PEX5L: variants seen among roughly 807,000 people sequenced by gnomAD.
PEX5L encodes PEX5-related protein.
PEX5L carries 30 observed loss-of-function variants against 84.0 expected under a neutral mutation model. The observed-to-expected ratio is 0.36, with a 90% CI of 0.27 to 0.48. The LOEUF (loss-of-function observed/expected upper bound fraction) is 0.48, where lower values mean the gene tolerates loss of function less well. Among genes scored for constraint, PEX5L ranks in the 20% least tolerant of loss-of-function variants. The pLI, the probability that PEX5L is intolerant of heterozygous loss-of-function variation, is 0.99. For synonymous variants in PEX5L, 270 were observed against 283.1 expected (o/e 0.95, Z 0.46); for missense variants, 533 against 754.6 (o/e 0.71, Z 3.44).
chr3:179,922,866 T>C (rs1056017588), intron 2 of PEX5L, among the ~76,000 whole-genome samples: 12 of 152,216 alleles, frequency 7.9e-5, no homozygotes. Context: ...TCATAATTCA[T>C]GTAGAAAGAT....
chr3:179,906,959 T>A (rs1392634721), intron 2 of PEX5L, among the ~76,000 whole-genome samples: 8 of 152,040 alleles, frequency 5.3e-5, no homozygotes, highest in Non-Finnish European at 1.5e-5. Flanking sequence ...TAGAGGGAGG[T>A]GAGACATAGC....
intron 8 of PEX5L, among the ~76,000 whole-genome samples, chr3:179,830,060 G>A (rs538655838): frequency 1.3e-5 from 2 of 149,724 alleles, no homozygotes; most frequent in South Asian, 4.2e-4. Context: ...GCCTCCCAAA[G>A]TGCTGGGATT....
At chr3:179,807,868 C>G (rs755374690) in intron 13 of PEX5L, 37 bp from the exon 14 acceptor site, 1 of 1,582,582 alleles carries the variant, frequency 6.3e-7, no homozygotes, top group Non-Finnish European at 8.6e-7. Context: ...CAACCCAGTA[C>G]AAGGCACAAT....
chr3:179,944,008 C>T (rs112119139), intron 2 of PEX5L, among the ~76,000 whole-genome samples: 51 of 151,448 alleles, frequency 3.4e-4, no homozygotes, highest in Non-Finnish European at 5.9e-4. Flanking sequence ...CCTCCCCCCC[C>T]CAAAAAACTG....
At chr3:179,825,571 A>G (rs1456591374) in intron 8 of PEX5L, among the ~76,000 whole-genome samples, 2 of 151,754 alleles carry the variant, frequency 1.3e-5, no homozygotes, top group African/African-American at 2.4e-5. Context: ...CAATCTAAAC[A>G]GTATAGGTCT....
chr3:179,836,608 C>T (rs1173445101), intron 8 of PEX5L, among the ~76,000 whole-genome samples: 1 of 152,162 alleles, frequency 6.6e-6, no homozygotes, highest in Non-Finnish European at 1.5e-5. Flanking sequence ...ATAAAGTCAA[C>T]TTCTTCTGCA....
intron 8 of PEX5L, among the ~76,000 whole-genome samples, chr3:179,821,862 C>A (rs958034713): frequency 2.2e-4 from 34 of 152,258 alleles, no homozygotes; most frequent in African/African-American, 7.9e-4. Flanking sequence ...AGAAATGTGC[C>A]TTTGAATGAA....
rs192357679 is a variant in PEX5L at position 179,947,657 on chromosome 3, G to A, written c.93+23937C>T. Among the ~76,000 whole-genome samples the A allele has an allele frequency of 1.1e-3, 170 of 150,800 alleles. 1 individual carries two copies. Among genetic ancestry groups the A allele is most frequent in the Middle Eastern group, 0.01 (3 of 290 alleles). On this transcript the variant is annotated intron_variant, in intron 2 of 14. Coordinates refer to ENST00000467460, the MANE Select transcript of PEX5L (RefSeq NM_016559.3). ...ATAGCATTTTTTTAACTTTGTAGTT[G>A]CCAAATTTTAAAAATAATAACCATA... is the stretch of plus-strand genomic sequence containing the variant.
At chr3:179,897,951 ATAAC>A (rs1295536783) in intron 3 of PEX5L, among the ~76,000 whole-genome samples, 187 bp downstream of exon 3, 4 of 152,164 alleles carry the variant, frequency 2.6e-5, no homozygotes, top group African/African-American at 4.8e-5. Flanking sequence ...TCACAAATAA[ATAAC>A]TAGATGGTGA....
At chr3:179,824,654 C>T (rs558866690) in intron 8 of PEX5L, among the ~76,000 whole-genome samples, 4 of 145,616 alleles carry the variant, frequency 2.7e-5, no homozygotes, top group South Asian at 4.3e-4. Context: ...TGTGATGAGC[C>T]GAGATCGTGC....
intron 8 of PEX5L, among the ~76,000 whole-genome samples, chr3:179,840,189 T>G (rs1442772418): frequency 6.5e-5 from 9 of 137,980 alleles, no homozygotes; most frequent in African/African-American, 1.4e-4. Context: ...GTGTGTTTTT[T>G]TTTTTTTTTT....
At chr3:179,851,961 G>T (rs759437850) in intron 8 of PEX5L, among the ~76,000 whole-genome samples, 1 of 152,240 alleles carries the variant, frequency 6.6e-6, no homozygotes, top group African/African-American at 2.4e-5. Flanking sequence ...AATTTTGGGA[G>T]TATTAAATGG....
At chr3:179,959,468 G>A (rs1781484872) in intron 2 of PEX5L, among the ~76,000 whole-genome samples, 1 of 152,170 alleles carries the variant, frequency 6.6e-6, no homozygotes, top group African/African-American at 2.4e-5. Context: ...TTATCTCTGT[G>A]TTCCAGCACC....
chr3:180,034,156 T>C (rs1791694051), intron 1 of PEX5L, among the ~76,000 whole-genome samples: 1 of 152,178 alleles, frequency 6.6e-6, no homozygotes. Flanking sequence ...AACTGCTAAT[T>C]TACAAAGCAC....
Position 179,816,085 on chromosome 3 carries a change from T to C in PEX5L, c.940-81A>G, listed in dbSNP as rs915830865. 23 of 1,398,682 alleles carry C rather than the reference T, an allele frequency of 1.6e-5. No individual in the cohort carries two copies. In the South Asian group the frequency reaches 2.4e-4, roughly 15 times the overall value. The allele number at this position is 1,398,682 out of a possible 1,614,324, so 86.6% of individuals were successfully genotyped here. The stretch of plus-strand genomic sequence containing the variant: ...CATTCAATAAGTTCTCATTAAAAAG[T>C]CAGGAAACAACAGATGCTGGAGAGA... On this transcript the variant is annotated intron_variant, in intron 9 of 14. Transcript: ENST00000467460.
intron 2 of PEX5L, among the ~76,000 whole-genome samples, chr3:179,955,450 G>A (rs9842358): frequency 0.73 from 105,465 of 145,028 alleles, 38,592 homozygotes; most frequent in East Asian, 0.89. Flanking sequence ...TTTTTTTGCT[G>A]AAGACTCACT....
At chr3:179,934,069 G>A (rs1202626023) in intron 2 of PEX5L, among the ~76,000 whole-genome samples, 2 of 152,206 alleles carry the variant, frequency 1.3e-5, no homozygotes, top group Non-Finnish European at 2.9e-5. Context: ...TTGGCTTGGC[G>A]ATTGATGAGC....
intron 2 of PEX5L, among the ~76,000 whole-genome samples, chr3:179,907,452 A>G (rs568845617): frequency 1.3e-5 from 2 of 151,942 alleles, no homozygotes; most frequent in South Asian, 4.1e-4. Context: ...AGCTATGACT[A>G]CAGGTGTGCA....
intron 2 of PEX5L, among the ~76,000 whole-genome samples, chr3:179,933,957 A>T (rs952908996): frequency 6.6e-5 from 10 of 152,186 alleles, no homozygotes; most frequent in African/African-American, 2.4e-4. Context: ...ATGGCAGAAC[A>T]CTTCTCTAGC....
Sources: gnomAD v4.1 joint callset for allele counts (sites outside exome capture counted in the v4.1 genomes callset) on GRCh38, gnomAD v4.1.1 for gene constraint, MANE v1.5 for transcripts, NCBI Gene and HGNC (gene_info 2026-07-23, HGNC 2026-07-21) for gene names.